ARHGEF11: variants seen among roughly 807,000 people sequenced by gnomAD.
The protein encoded by ARHGEF11 is Rho guanine nucleotide exchange factor 11.
In ARHGEF11, 55 loss-of-function variants were observed where a neutral mutation model predicts 193.7. The observed-to-expected ratio is 0.28, with a 90% CI of 0.23 to 0.36. ARHGEF11 has a LOEUF of 0.36. Ranked by LOEUF, ARHGEF11 falls within the 10% of genes least tolerant of loss-of-function variation. The pLI, the probability that ARHGEF11 is intolerant of heterozygous loss-of-function variation, is 1.00. For missense variants in ARHGEF11, 1,723 were observed against 2,005.6 expected (o/e 0.86, Z 2.69); for synonymous variants, 693 against 768.0 (o/e 0.90, Z 1.62).
chr1:156,948,000 T>TCA, intron 24 of ARHGEF11, 44 bp from the exon 25 acceptor site: 2 of 1,600,600 alleles, frequency 1.2e-6, no homozygotes, highest in Non-Finnish European at 1.7e-6. Context: ...GAGGAAGAAC[T>TCA]CACACAGAGG....
chr1:156,939,116 G>C (rs1011130539), intron 37 of ARHGEF11: 1 of 239,104 alleles, frequency 4.2e-6, no homozygotes, highest in African/African-American at 2.3e-5. Context: ...ACTGCCCTTG[G>C]AGCTGTTGCC....
At chr1:156,984,312 C>A in intron 3 of ARHGEF11, 27 bp downstream of exon 3, 1 of 1,547,932 alleles carries the variant, frequency 6.5e-7, no homozygotes. Context: ...AACTGTCCAC[C>A]GTGGGCAGGA....
chr1:157,034,328 G>A (rs1050491441), intron 1 of ARHGEF11, among the ~76,000 whole-genome samples: 1 of 152,224 alleles, frequency 6.6e-6, no homozygotes, highest in Non-Finnish European at 1.5e-5. Context: ...GCCTGGGGCA[G>A]GCGGGACAAT....
In ARHGEF11 at chr1:156,978,391, A is replaced by C; in HGVS notation, c.332-9T>G. ...TGCGACATAGGCGCCAGCTAGAGGG[A>C]AACAGAGAGAGACTTGTTCCAGGAG... On this transcript the variant is annotated splice_polypyrimidine_tract_variant and intron_variant, in intron 5 of 40. Coordinates refer to ENST00000368194, the MANE Select transcript of ARHGEF11 (RefSeq NM_198236.3). 1 of 1,580,486 alleles carries C rather than the reference A, an allele frequency of 6.3e-7. No individual in the cohort carries two copies. Among genetic ancestry groups the C allele is most frequent in the Non-Finnish European group, 8.6e-7 (1 of 1,164,508 alleles).
At chr1:157,018,419 G>A (rs144206037) in intron 1 of ARHGEF11, among the ~76,000 whole-genome samples, 11 of 152,118 alleles carry the variant, frequency 7.2e-5, no homozygotes, top group South Asian at 4.2e-4. Flanking sequence ...CAAGGTGGGC[G>A]GATCATGCGG....
rs67010849 is a variant in ARHGEF11, at chr1:156,953,674, GTCTCTC to G, written c.1798+1212_1798+1217del. ...AGTTTCCAGGTTGCATCCCATTGCT[GTCTCTC>G]TCTCTCTCTCTATATATATTTATTG... On this transcript the variant is annotated intron_variant, in intron 21 of 40. Transcript: ENST00000368194. Among the ~76,000 whole-genome samples, 4 of 151,210 alleles carry G rather than the reference GTCTCTC, an allele frequency of 2.6e-5. No homozygotes were observed. In the South Asian group the frequency reaches 8.4e-4, roughly 32 times the overall value.
chr1:156,979,326 C>A, intron 4 of ARHGEF11, 40 bp from the exon 5 acceptor site: 2 of 1,416,196 alleles, frequency 1.4e-6, no homozygotes, highest in Non-Finnish European at 2.0e-6. Context: ...TGGTAATGAA[C>A]AGCTAGGGGA....
At chr1:157,015,460 C>T (rs1439278240) in intron 1 of ARHGEF11, among the ~76,000 whole-genome samples, 2 of 152,150 alleles carry the variant, frequency 1.3e-5, no homozygotes, top group African/African-American at 4.8e-5. Context: ...ACAAGCAACC[C>T]CACTCTCCTC....
chr1:157,035,519 C>G, intron 1 of ARHGEF11, among the ~76,000 whole-genome samples: 1 of 151,856 alleles, frequency 6.6e-6, no homozygotes, highest in East Asian at 1.9e-4. Flanking sequence ...CATTCTCCTG[C>G]CTCAGCCTCC....
chr1:157,018,402 G>C (rs1270678064), intron 1 of ARHGEF11, among the ~76,000 whole-genome samples: 1 of 152,102 alleles, frequency 6.6e-6, no homozygotes, highest in Non-Finnish European at 1.5e-5. Flanking sequence ...CCAGCACTTT[G>C]GGAGGTCAAG....
intron 7 of ARHGEF11, among the ~76,000 whole-genome samples, chr1:156,974,904 AT>A (rs1449586761): frequency 6.6e-6 from 1 of 152,176 alleles, no homozygotes; most frequent in African/African-American, 2.4e-5. Flanking sequence ...TTGCTTATCT[AT>A]TCATCAGCGG....
chr1:156,978,915 G>C (rs1663670135), intron 5 of ARHGEF11, among the ~76,000 whole-genome samples: 1 of 152,226 alleles, frequency 6.6e-6, no homozygotes, highest in African/African-American at 2.4e-5. Flanking sequence ...TCCATGAATG[G>C]CAGAGGGAAT....
In ARHGEF11 at chr1:156,963,514, C is replaced by T. The variant is rs376316142; in HGVS notation, c.1038+6G>A. ...TGATGAAAGGAGAAAACTAGGAAAC[C>T]GTTACCTCGTTGTTGAAATAACCCG... is the stretch of plus-strand genomic sequence containing the variant. On this transcript the variant is annotated splice_donor_region_variant and intron_variant, in intron 12 of 40. Coordinates refer to ENST00000368194, the MANE Select transcript of ARHGEF11 (RefSeq NM_198236.3). 18 of 1,612,260 alleles carry T rather than the reference C, an allele frequency of 1.1e-5. No individual in the cohort carries two copies. Among genetic ancestry groups the T allele is most frequent in the East Asian group, 2.2e-5 (1 of 44,856 alleles).
intron 1 of ARHGEF11, among the ~76,000 whole-genome samples, chr1:157,033,495 ATC>A (rs1488148776): frequency 1.3e-5 from 2 of 152,112 alleles, no homozygotes; most frequent in East Asian, 3.9e-4. Flanking sequence ...CACTTGTTTA[ATC>A]CCATGTCTGC....
rs1191547173 is a variant in ARHGEF11 at position 156,946,765 on chromosome 1, T to A, written c.2591A>T (p.Glu864Val). Reference protein sequence around the residue: ...LARFDGPAREELQQVAAQFCS... With the variant: ...LARFDGPAREVLQQVAAQFCS... ...GAACTGTGCAGCCACTTGCTGGAGT[T>A]CCTCTCGGGCAGGGCCATCAAACTG... The change falls in exon 28 of 41, where the codon GAA becomes GTA. Residue 864 changes from glutamate to valine, a missense_variant. This residue lies in a region of ARHGEF11 where 491 missense variants were observed against 654.5 expected (regional missense o/e 0.75). Coordinates refer to ENST00000368194, the MANE Select transcript of ARHGEF11 (RefSeq NM_198236.3). The A allele has an allele frequency of 6.2e-7, 1 of 1,614,116 alleles. No homozygotes were observed. The highest frequency in any genetic ancestry group is 8.5e-7 in the Non-Finnish European group (1 of 1,180,012).
Position 156,936,880 on chromosome 1 carries a change from G to A in ARHGEF11, c.4566C>T (p.Pro1522=), listed in dbSNP as rs368042960. 210 of 1,614,114 alleles carry A rather than the reference G, an allele frequency of 1.3e-4. No individual in the cohort carries two copies. In the Admixed American group the frequency reaches 1.4e-3, roughly 11 times the overall value. ...ARWTDGSLSP[P]AKEPLASDSR... is the part of the protein sequence containing the mutation. Reference sequence around the variant, plus strand: ...AGTCAGAAGCTAGGGGCTCCTTAGCGGGAGGTGAGAGGGAGCCATCTGTCC... The same window carrying A: ...AGTCAGAAGCTAGGGGCTCCTTAGCAGGAGGTGAGAGGGAGCCATCTGTCC... Residue 1522 remains proline, a synonymous_variant, in exon 40 of 41, where the codon CCC becomes CCT. Coordinates refer to ENST00000368194, the MANE Select transcript of ARHGEF11 (RefSeq NM_198236.3).
chr1:156,959,236 T>A, intron 15 of ARHGEF11, 94 bp from the exon 16 acceptor site: 1 of 1,023,184 alleles, frequency 9.8e-7, no homozygotes, highest in Non-Finnish European at 1.5e-6. Flanking sequence ...TTCAGCTCCC[T>A]ATGACACTGG....
rs1173207049 is a variant in ARHGEF11, at chr1:157,035,776, G to A, written c.32+8523C>T. Reference sequence around the variant, plus strand: ...TATGTGGGAATATATATATATACAGGAATATATATATATAGGAATATATAT... The same window carrying A: ...TATGTGGGAATATATATATATACAGAAATATATATATATAGGAATATATAT... On this transcript the variant is annotated intron_variant, in intron 1 of 40. Transcript: ENST00000368194. Among the ~76,000 whole-genome samples, 149 of 116,680 alleles carry A rather than the reference G, an allele frequency of 1.3e-3. 1 individual carries two copies. Among genetic ancestry groups the A allele is most frequent in the African/African-American group, 4.6e-3 (145 of 31,410 alleles). 76.5% of individuals were successfully genotyped at this position (116,680 alleles called of 152,430 possible).
At position 156,990,985 on chromosome 1, in the gene ARHGEF11, GAGTT is replaced by G. The variant is rs1453793009; in HGVS notation, c.33-4816_33-4813del. Among the ~76,000 whole-genome samples the G allele has an allele frequency of 3.9e-5, 6 of 152,310 alleles. No homozygotes were observed. The East Asian group carries it at 9.6e-4, about 24-fold the overall frequency. On this transcript the variant is annotated intron_variant, in intron 1 of 40. Transcript: ENST00000368194. ...TCGTTCCAGGCCCTTTTAATGGACA[GAGTT>G]AGAAAAATTTATTATAAATTTTTGA...
Sources: gnomAD v4.1 joint callset for allele counts (sites outside exome capture counted in the v4.1 genomes callset) on GRCh38, gnomAD v4.1.1 for gene constraint, gnomAD v4.1.1 regional missense constraint, MANE v1.5 for transcripts, NCBI Gene and HGNC (gene_info 2026-07-23, HGNC 2026-07-21) for gene names.